Variants in CNTNAP5 observed in about 807,000 individuals in gnomAD.
The protein encoded by CNTNAP5 is contactin-associated protein-like 5.
In CNTNAP5, 72 loss-of-function variants were observed where a neutral mutation model predicts 150.2. The observed-to-expected ratio is 0.48, with a 90% CI of 0.40 to 0.58. The LOEUF (loss-of-function observed/expected upper bound fraction) is 0.58. Ranked by LOEUF, CNTNAP5 falls within the 20% of genes least tolerant of loss-of-function variation. The probability of loss-of-function intolerance (pLI) is 0.00; values close to 1 mark genes in which losing one functional copy is unlikely to be tolerated. For missense variants in CNTNAP5, 1,636 were observed against 1,626.2 expected (o/e 1.01, Z -0.10); for synonymous variants, 672 against 619.8 (o/e 1.08, Z -1.25).
intron 19 of CNTNAP5, among the ~76,000 whole-genome samples, chr2:124,833,546 A>G (rs1558793588): frequency 6.6e-6 from 1 of 152,202 alleles, no homozygotes; most frequent in Admixed American, 6.5e-5. Context: ...CTTACTGAAG[A>G]CTAAAGATTA....
At chr2:124,427,212 C>T (rs542448991) in intron 4 of CNTNAP5, among the ~76,000 whole-genome samples, 14 of 152,166 alleles carry the variant, frequency 9.2e-5, no homozygotes, top group South Asian at 6.2e-4. Flanking sequence ...CATTCCACAA[C>T]GACCACATTA....
At chr2:124,860,931 C>T (rs975585919) in intron 19 of CNTNAP5, among the ~76,000 whole-genome samples, 7 of 151,942 alleles carry the variant, frequency 4.6e-5, no homozygotes, top group Non-Finnish European at 1.0e-4. Context: ...TCTTTGGAAC[C>T]GGCTGAATTT....
At chr2:124,521,599 G>A (rs556181219) in intron 8 of CNTNAP5, among the ~76,000 whole-genome samples, 34 of 152,224 alleles carry the variant, frequency 2.2e-4, no homozygotes, top group Non-Finnish European at 3.2e-4. Context: ...ACTCACTGTG[G>A]CCTCTATAAA....
chr2:124,329,907 G>A (rs1293884374), intron 3 of CNTNAP5, among the ~76,000 whole-genome samples: 1 of 152,158 alleles, frequency 6.6e-6, no homozygotes, highest in Non-Finnish European at 1.5e-5. Flanking sequence ...GCAGTCAGTT[G>A]AGAAGATTCC....
At chr2:124,235,386 C>A (rs114569317) in intron 2 of CNTNAP5, among the ~76,000 whole-genome samples, 374 of 152,104 alleles carry the variant, frequency 2.5e-3, no homozygotes, top group African/African-American at 8.8e-3. Flanking sequence ...CTCAACAAGA[C>A]CACTTTCAAC....
chr2:124,212,735 T>C (rs1488607843), intron 1 of CNTNAP5, among the ~76,000 whole-genome samples: 2 of 152,096 alleles, frequency 1.3e-5, no homozygotes, highest in Admixed American at 1.3e-4. Flanking sequence ...ACTCCTGAAC[T>C]TGGTCTTACG....
At chr2:124,907,671 G>T (rs530469275) in intron 22 of CNTNAP5, among the ~76,000 whole-genome samples, 55 of 150,522 alleles carry the variant, frequency 3.7e-4, no homozygotes, top group African/African-American at 1.2e-3. Context: ...TTGAGAGGGG[G>T]ATTAAAACTA....
chr2:124,369,959 G>A (rs1690479834), intron 3 of CNTNAP5, among the ~76,000 whole-genome samples: 1 of 152,020 alleles, frequency 6.6e-6, no homozygotes, highest in Non-Finnish European at 1.5e-5. Context: ...GTACAAAGTG[G>A]TCATAACAAT....
chr2:124,354,730 T>C (rs538199025), intron 3 of CNTNAP5, among the ~76,000 whole-genome samples: 17 of 152,340 alleles, frequency 1.1e-4, no homozygotes, highest in African/African-American at 4.1e-4. Flanking sequence ...TTCTGAGTAT[T>C]GTTTAACACA....
At chr2:124,663,874 G>C (rs1453196693) in intron 13 of CNTNAP5, among the ~76,000 whole-genome samples, 1 of 152,136 alleles carries the variant, frequency 6.6e-6, no homozygotes, top group Non-Finnish European at 1.5e-5. Flanking sequence ...GGATATGGTG[G>C]CAATGGGAGC....
At chr2:124,217,511 T>A (rs529068977) in intron 1 of CNTNAP5, among the ~76,000 whole-genome samples, 2 of 152,160 alleles carry the variant, frequency 1.3e-5, no homozygotes, top group South Asian at 4.1e-4. Flanking sequence ...TGACCCAGTC[T>A]CCACAATGCT....
intron 1 of CNTNAP5, among the ~76,000 whole-genome samples, chr2:124,208,469 A>G (rs1685919782): frequency 6.6e-6 from 1 of 152,232 alleles, no homozygotes; most frequent in Non-Finnish European, 1.5e-5. Context: ...ATTTTGTGAG[A>G]GTAATAGCAT....
At chr2:124,369,254 G>C (rs1364658796) in intron 3 of CNTNAP5, among the ~76,000 whole-genome samples, 1 of 152,124 alleles carries the variant, frequency 6.6e-6, no homozygotes, top group Non-Finnish European at 1.5e-5. Flanking sequence ...TATTTTCATA[G>C]AAAGAAACCT....
chr2:124,435,651 A>G (rs1405854765), intron 5 of CNTNAP5, among the ~76,000 whole-genome samples: 2 of 152,236 alleles, frequency 1.3e-5, no homozygotes, highest in Non-Finnish European at 2.9e-5. Context: ...AAGAAATTGC[A>G]AAATGTAATT....
At chr2:124,761,661 A>G (rs1335838069) in intron 14 of CNTNAP5, among the ~76,000 whole-genome samples, 2 of 152,054 alleles carry the variant, frequency 1.3e-5, no homozygotes, top group Non-Finnish European at 2.9e-5. Context: ...CTGGATTCGC[A>G]TGCTTTTTGA....
At chr2:124,845,692 A>T (rs1036272590) in intron 19 of CNTNAP5, among the ~76,000 whole-genome samples, 1 of 152,076 alleles carries the variant, frequency 6.6e-6, no homozygotes, top group African/African-American at 2.4e-5. Flanking sequence ...CAGAGATTTT[A>T]TACCTTTCTC....
chr2:124,531,372 G>A (rs1034693253), intron 10 of CNTNAP5, among the ~76,000 whole-genome samples: 7 of 152,238 alleles, frequency 4.6e-5, no homozygotes, highest in South Asian at 2.1e-4. Flanking sequence ...AAGAAGCCAC[G>A]GACCAGCACT....
Position 124,584,702 on chromosome 2 carries a change from T to C in CNTNAP5, c.1756+21379T>C, listed in dbSNP as rs546973126. Among the ~76,000 whole-genome samples, 10 of 152,334 alleles carry C rather than the reference T, an allele frequency of 6.6e-5. No individual in the cohort carries two copies. The East Asian group carries it at 1.5e-3, about 23-fold the overall frequency. ...TCTGCACAAAGAATTCTGGACTCGT[T>C]AAAACAATGACAGTGAAATATAGAC... is the stretch of plus-strand genomic sequence containing the variant. On this transcript the variant is annotated intron_variant, in intron 11 of 23. Coordinates refer to ENST00000682447, the MANE Select transcript of CNTNAP5 (RefSeq NM_001367498.1).
intron 19 of CNTNAP5, among the ~76,000 whole-genome samples, 171 bp downstream of exon 19, chr2:124,798,491 G>T (rs1295358854): frequency 6.6e-6 from 1 of 152,164 alleles, no homozygotes; most frequent in African/African-American, 2.4e-5. Flanking sequence ...AGATGCAATT[G>T]GTATTCAGGG....
Sources: allele counts gnomAD v4.1 joint callset (sites outside exome capture counted in the v4.1 genomes callset), GRCh38; gene constraint gnomAD v4.1.1; transcripts MANE v1.5; gene names NCBI Gene and HGNC (gene_info 2026-07-23, HGNC 2026-07-21).